TMEM163: variants seen among roughly 807,000 people sequenced by gnomAD.
TMEM163 encodes transmembrane protein 163.
Under a neutral mutation model 29.3 loss-of-function variants are expected in TMEM163, and 17 were observed. The ratio of observed to expected loss-of-function variants is 0.58; its 90% CI spans 0.40 to 0.87. TMEM163 has a LOEUF of 0.87. Among genes scored for constraint, TMEM163 ranks in the 40% least tolerant of loss-of-function variants. The pLI is 0.00. For missense variants in TMEM163, 303 were observed against 381.5 expected (o/e 0.79, Z 1.71); for synonymous variants, 157 against 160.6 (o/e 0.98, Z 0.17).
intron 2 of TMEM163, among the ~76,000 whole-genome samples, chr2:134,611,341 C>A (rs1351852288): frequency 6.6e-6 from 1 of 152,108 alleles, no homozygotes; most frequent in African/African-American, 2.4e-5. Context: ...TAGTCCCTAC[C>A]CTTAAGGGAA....
At chr2:134,674,486 G>GGCGCGCGCGCGC (rs752979552) in intron 2 of TMEM163, among the ~76,000 whole-genome samples, 7 of 91,610 alleles carry the variant, frequency 7.6e-5, no homozygotes, top group Admixed American at 9.6e-5. Context: ...TGGGACTACA[G>GGCGCGCGCGCGC]GCGCGCGCGC....
chr2:134,461,348 T>C (rs1235293461), intron 6 of TMEM163, among the ~76,000 whole-genome samples: 1 of 152,152 alleles, frequency 6.6e-6, no homozygotes, highest in African/African-American at 2.4e-5. Flanking sequence ...TCATCATAGA[T>C]GGGGTATTTG....
intron 2 of TMEM163, among the ~76,000 whole-genome samples, chr2:134,668,915 A>C (rs1009642310): frequency 6.6e-6 from 1 of 152,190 alleles, no homozygotes. Context: ...GAACAACTAC[A>C]GCATTTCCTA....
chr2:134,574,611 C>A (rs1295172747), intron 2 of TMEM163, among the ~76,000 whole-genome samples: 2 of 152,180 alleles, frequency 1.3e-5, no homozygotes, highest in Non-Finnish European at 2.9e-5. Context: ...CAAATGTCAT[C>A]TTTTCCAAAA....
intron 2 of TMEM163, among the ~76,000 whole-genome samples, chr2:134,577,372 G>A (rs1031053106): frequency 2.6e-5 from 4 of 152,118 alleles, no homozygotes; most frequent in Non-Finnish European, 5.9e-5. Flanking sequence ...CCCTTTAGAC[G>A]GCGAAAATGA....
At chr2:134,510,710 G>C (rs1412949230) in intron 4 of TMEM163, among the ~76,000 whole-genome samples, 1 of 152,128 alleles carries the variant, frequency 6.6e-6, no homozygotes, top group Non-Finnish European at 1.5e-5. Context: ...AGGAAGTGAG[G>C]AGCCGGTAGT....
intron 4 of TMEM163, among the ~76,000 whole-genome samples, chr2:134,506,648 C>T (rs1268761569): frequency 6.6e-6 from 1 of 152,236 alleles, no homozygotes; most frequent in African/African-American, 2.4e-5. Flanking sequence ...CCTGCTCAAC[C>T]ATCCAGCCAC....
chr2:134,578,406 C>T (rs1333802092), intron 2 of TMEM163, among the ~76,000 whole-genome samples: 4 of 152,178 alleles, frequency 2.6e-5, no homozygotes, highest in African/African-American at 9.7e-5. Context: ...ACTGGTCTCG[C>T]CTTTCTAGAA....
intron 2 of TMEM163, among the ~76,000 whole-genome samples, chr2:134,612,165 A>G (rs1682518226): frequency 1.3e-5 from 2 of 152,154 alleles, no homozygotes; most frequent in South Asian, 2.1e-4. Flanking sequence ...AAAAAGCCCC[A>G]TTTGCAAGAT....
chr2:134,645,007 T>C (rs1683303538), intron 2 of TMEM163, among the ~76,000 whole-genome samples: 1 of 152,162 alleles, frequency 6.6e-6, no homozygotes, highest in Non-Finnish European at 1.5e-5. Flanking sequence ...AACAAGCACA[T>C]GAAAAGGTAT....
chr2:134,570,789 C>T (rs1487271067), intron 2 of TMEM163, among the ~76,000 whole-genome samples: 1 of 152,100 alleles, frequency 6.6e-6, no homozygotes, highest in Non-Finnish European at 1.5e-5. Context: ...GGCTAGGACC[C>T]TTTGGGGTCA....
At chr2:134,668,199 C>T (rs761440558) in intron 2 of TMEM163, among the ~76,000 whole-genome samples, 10 of 152,166 alleles carry the variant, frequency 6.6e-5, no homozygotes, top group Admixed American at 2.0e-4. Flanking sequence ...AAGAGTTGTC[C>T]ATCAGACTGC....
chr2:134,675,772 A>AGGATT (rs1275923207), intron 2 of TMEM163, among the ~76,000 whole-genome samples: 2 of 152,334 alleles, frequency 1.3e-5, no homozygotes, highest in African/African-American at 4.8e-5. Context: ...ATCCGGTCCC[A>AGGATT]GGATTTAGGA....
intron 5 of TMEM163, among the ~76,000 whole-genome samples, chr2:134,492,730 T>C (rs567573800): frequency 1.1e-3 from 161 of 152,332 alleles, no homozygotes; most frequent in Non-Finnish European, 1.8e-3. Flanking sequence ...TGCACCACGA[T>C]TTCTTTATCC....
intron 2 of TMEM163, among the ~76,000 whole-genome samples, chr2:134,600,007 C>T (rs1443485560): frequency 6.6e-6 from 1 of 152,146 alleles, no homozygotes; most frequent in African/African-American, 2.4e-5. Context: ...TCAATTCCAG[C>T]GTTGCTCCCA....
intron 4 of TMEM163, among the ~76,000 whole-genome samples, chr2:134,529,840 A>T (rs701645): frequency 0.39 from 58,749 of 151,742 alleles, 12,046 homozygotes; most frequent in East Asian, 0.56. Flanking sequence ...TTTAGACTAT[A>T]TGTATTTTTA....
At chr2:134,598,958 G>A (rs1292736331) in intron 2 of TMEM163, among the ~76,000 whole-genome samples, 1 of 143,026 alleles carries the variant, frequency 7.0e-6, no homozygotes, top group Non-Finnish European at 1.5e-5. Flanking sequence ...AGAAAGCATT[G>A]CCATTTCTAT....
At chr2:134,638,269 TA>T (rs1240563606) in intron 2 of TMEM163, among the ~76,000 whole-genome samples, 1 of 152,244 alleles carries the variant, frequency 6.6e-6, no homozygotes, top group East Asian at 1.9e-4. Context: ...TAGAGGTTAT[TA>T]CCCCTTTTGC....
chr2:134,606,917 C>T (rs1427092986), intron 2 of TMEM163, among the ~76,000 whole-genome samples: 1 of 147,972 alleles, frequency 6.8e-6, no homozygotes. Flanking sequence ...TGAGGACAGA[C>T]CCCGAGAACT....
Sources: allele counts gnomAD v4.1 joint callset (sites outside exome capture counted in the v4.1 genomes callset), GRCh38; gene constraint gnomAD v4.1.1; transcripts MANE v1.5; gene names NCBI Gene and HGNC (gene_info 2026-07-23, HGNC 2026-07-21).